ADPRHL1: variants seen among roughly 807,000 people sequenced by gnomAD.
The protein encoded by ADPRHL1 is inactive ADP-ribosyltransferase ARH2.
A neutral mutation model predicts 44.1 loss-of-function variants in ADPRHL1; 43 were observed. The ratio of observed to expected loss-of-function variants is 0.98; its 90% CI spans 0.76 to 1.26. ADPRHL1 has a LOEUF of 1.26. Among genes scored for constraint, ADPRHL1 ranks in the 50% most tolerant of loss-of-function variants. The probability of loss-of-function intolerance (pLI) is 0.00; values close to 1 mark genes in which losing one functional copy is unlikely to be tolerated. For missense variants in ADPRHL1, 2,022 were observed against 2,496.9 expected, an observed-to-expected ratio of 0.81 and a Z score of 4.05; for synonymous variants, 878 against 1,017.4, an observed-to-expected ratio of 0.86 and a Z score of 2.61.
At chr13:113,439,621 T>TAGAC (rs1427303252) in intron 2 of ADPRHL1, among the ~76,000 whole-genome samples, 1 of 151,630 alleles carries the variant, frequency 6.6e-6, no homozygotes, top group African/African-American at 2.4e-5. Flanking sequence ...CTAATTTTTG[T>TAGAC]ATTTTTAGTA....
At chr13:113,432,854 G>A (rs537535458) in intron 3 of ADPRHL1, among the ~76,000 whole-genome samples, 2 of 152,216 alleles carry the variant, frequency 1.3e-5, no homozygotes, top group African/African-American at 4.8e-5. Context: ...AGGACTAAGG[G>A]CCAACTGCAG....
chr13:113,424,788 C>T (rs374764069), intron 5 of ADPRHL1, among the ~76,000 whole-genome samples: 11 of 73,928 alleles, frequency 1.5e-4, no homozygotes, highest in Non-Finnish European at 3.0e-4. Flanking sequence ...AACCACCCAT[C>T]CATATACCCA....
At chr13:113,437,864 C>T (rs984796328) in intron 2 of ADPRHL1, among the ~76,000 whole-genome samples, 2 of 152,198 alleles carry the variant, frequency 1.3e-5, no homozygotes, top group African/African-American at 2.4e-5. Flanking sequence ...TGGAGTCTTG[C>T]TCTGTGGCCC....
At chr13:113,408,878 GCT>G in intron 7 of ADPRHL1, among the ~76,000 whole-genome samples, 3 of 150,726 alleles carry the variant, frequency 2.0e-5, no homozygotes, top group Admixed American at 6.6e-5. Context: ...GGAGGAGGGG[GCT>G]GCAGAGAGGA....
intron 4 of ADPRHL1, among the ~76,000 whole-genome samples, chr13:113,425,679 T>TC (rs2043963311): frequency 7.8e-6 from 1 of 127,730 alleles, no homozygotes; most frequent in Non-Finnish European, 1.6e-5. Context: ...GCCTCTTTTT[T>TC]CTTTCTTTTT....
chr13:113,417,185 G>A (rs1429288442), intron 7 of ADPRHL1, among the ~76,000 whole-genome samples: 1 of 152,222 alleles, frequency 6.6e-6, no homozygotes, highest in African/African-American at 2.4e-5. Context: ...GGGACTCTGT[G>A]CTCTCTGGTT....
In ADPRHL1 at chr13:113,434,774, G is replaced by A. The variant is rs76803744; in HGVS notation, c.380-907C>T. Among the ~76,000 whole-genome samples, 376 of 74,628 alleles carry A rather than the reference G, an allele frequency of 5.0e-3. 21 individuals are homozygous for A. Among genetic ancestry groups the A allele is most frequent in the African/African-American group, 7.5e-3 (141 of 18,676 alleles). 49.0% of individuals were successfully genotyped at this position (74,628 alleles called of 152,430 possible). The stretch of plus-strand genomic sequence containing the variant: ...GTACCCTGGGACCCAGCACCCAGGC[G>A]TAGAGTGAACATAGGTGTACCCCAG... On this transcript the variant is annotated intron_variant, in intron 2 of 7. Coordinates refer to ENST00000612156, the MANE Select transcript of ADPRHL1 (RefSeq NM_001394807.1).
intron 7 of ADPRHL1, among the ~76,000 whole-genome samples, chr13:113,410,847 C>T (rs539808337): frequency 1.1e-4 from 17 of 152,348 alleles, no homozygotes; most frequent in African/African-American, 3.6e-4. Context: ...GAAGGGTCAG[C>T]GGCCCTACCT....
chr13:113,448,507 C>T (rs2139653734), intron 1 of ADPRHL1, among the ~76,000 whole-genome samples: 1 of 147,022 alleles, frequency 6.8e-6, no homozygotes, highest in South Asian at 2.1e-4. Flanking sequence ...CCTGAGTCTC[C>T]CAACCCATGT....
chr13:113,434,828 T>C lies in ADPRHL1; in HGVS notation c.380-961A>G, dbSNP rs1230616937. ...CCGGCACCCATGCATAGAGTGAACA[T>C]AGGTGTACCCCGGGACCCGGCACCC... is the stretch of plus-strand genomic sequence containing the variant. On this transcript the variant is annotated intron_variant, in intron 2 of 7. Coordinates refer to ENST00000612156, the MANE Select transcript of ADPRHL1 (RefSeq NM_001394807.1). 1.9e-4 allele frequency among the ~76,000 whole-genome samples: 20 copies of C among 106,558 alleles called. 5 individuals are homozygous for C. The highest frequency in any genetic ancestry group is 5.4e-4 in the African/African-American group (14 of 26,054). 69.9% of individuals were successfully genotyped at this position (106,558 alleles called of 152,430 possible). A position where few individuals can be genotyped will look rare whatever the true frequency, so the allele number is the denominator to read the frequency against.
At chr13:113,408,764 G>A (rs2043827597) in intron 7 of ADPRHL1, among the ~76,000 whole-genome samples, 1 of 148,486 alleles carries the variant, frequency 6.7e-6, no homozygotes, top group Non-Finnish European at 1.5e-5. Flanking sequence ...TGGGGTGGGC[G>A]GAGAAGGCAG....
intron 1 of ADPRHL1, among the ~76,000 whole-genome samples, 168 bp from the exon 2 acceptor site, chr13:113,444,757 G>A (rs1595555869): frequency 6.6e-6 from 1 of 152,114 alleles, no homozygotes; most frequent in Non-Finnish European, 1.5e-5. Flanking sequence ...TGAGTAGCTG[G>A]GACTACAGGT....
At position 113,405,666 on chromosome 13, in the gene ADPRHL1, C is replaced by A. The variant is rs1249603300; in HGVS notation, c.3616G>T (p.Ala1206Ser). Residue 1206 changes from alanine to serine, a missense_variant, in exon 8 of 8, where the codon GCG becomes TCG. Ala to Ser is a moderately conservative substitution (Grantham distance 99). Coordinates refer to ENST00000612156, the MANE Select transcript of ADPRHL1 (RefSeq NM_001394807.1). ...TCCTCCGGGTGGCGGGCGAGGGTCG[C>A]AATGTCCTCTGGGTGCTGGACGAGG... ...VALVQHPEDI[A>S]TLARHPEDAA... The A allele has an allele frequency of 1.9e-5, 23 of 1,232,876 alleles. No homozygotes were observed. In the African/African-American group the frequency reaches 3.3e-4, roughly 17 times the overall value. 76.4% of individuals were successfully genotyped at this position (1,232,876 alleles called of 1,614,324 possible).
At chr13:113,448,961 C>T (rs555901016) in intron 1 of ADPRHL1, 292 of 985,640 alleles carry the variant, frequency 3.0e-4, no homozygotes, top group Non-Finnish European at 3.2e-4. Context: ...GCTCTCTGTG[C>T]GAGGCCGCCC....
Position 113,451,528 on chromosome 13 carries a change from C to T in ADPRHL1, c.214+1696G>A, listed in dbSNP as rs149383005. Reference sequence around the variant, plus strand: ...AAACTTACTTCCTCCTTAAGAATAGCGCCCCATGGTGGCTCACGCCTGTCA... The same window carrying T: ...AAACTTACTTCCTCCTTAAGAATAGTGCCCCATGGTGGCTCACGCCTGTCA... On this transcript the variant is annotated intron_variant, in intron 1 of 7. Transcript: ENST00000612156. 1.7e-3 allele frequency among the ~76,000 whole-genome samples: 265 copies of T among 152,268 alleles called. 1 individual carries two copies. Among genetic ancestry groups the T allele is most frequent in the Middle Eastern group, 6.8e-3 (2 of 292 alleles).
At chr13:113,412,457 C>A (rs892011662) in intron 7 of ADPRHL1, among the ~76,000 whole-genome samples, 5 of 152,206 alleles carry the variant, frequency 3.3e-5, no homozygotes, top group African/African-American at 4.8e-5. Context: ...GGATGACAGG[C>A]GTGAGCCACC....
chr13:113,404,385 G>A lies in ADPRHL1; in HGVS notation c.4897C>T (p.Gln1633Ter), dbSNP rs1595534974. Residue 1633 changes from glutamine to a stop codon, truncating the protein, a stop_gained, in exon 8 of 8, where the codon CAG becomes TAG. Transcript: ENST00000612156. LOFTEE classifies it low-confidence loss of function (END_TRUNC). ...TGAACCCGTTCCTGAGCCCCTTTCT[G>A]GGTCTGTTCCTGAGCCCATTTCTGG... ...KAQKWAQEQT[Q>*]KGAQERVQGQ... The A allele has an allele frequency of 5.3e-6, 7 of 1,325,164 alleles. No individual in the cohort carries two copies. The highest frequency in any genetic ancestry group is 3.9e-5 in the Admixed American group (1 of 25,710). 82.1% of individuals were successfully genotyped at this position (1,325,164 alleles called of 1,614,324 possible).
chr13:113,408,361 A>G, intron 7 of ADPRHL1, 141 bp from the exon 8 acceptor site: 1 of 889,346 alleles, frequency 1.1e-6, no homozygotes, highest in Non-Finnish European at 1.5e-6. Flanking sequence ...AGGAGCCAGG[A>G]GCTGTGGCTT....
At chr13:113,420,720 G>A (rs1248628382) in intron 7 of ADPRHL1, among the ~76,000 whole-genome samples, 3 of 152,014 alleles carry the variant, frequency 2.0e-5, no homozygotes, top group South Asian at 2.1e-4. Flanking sequence ...AGCTCAGCAC[G>A]GAGCCACATT....
Sources: allele counts gnomAD v4.1 joint callset (sites outside exome capture counted in the v4.1 genomes callset), GRCh38; gene constraint gnomAD v4.1.1; transcripts MANE v1.5; gene names NCBI Gene and HGNC (gene_info 2026-07-23, HGNC 2026-07-21).